Variants in MYO7A observed in about 807,000 individuals in gnomAD.
MYO7A encodes myosin VIIA.
MYO7A carries 210 observed loss-of-function variants against 263.8 expected under a neutral mutation model. The observed-to-expected ratio is 0.80, with a 90% confidence interval of 0.71 to 0.89. The LOEUF (loss-of-function observed/expected upper bound fraction) is 0.89. Ranked by LOEUF, MYO7A falls within the 40% of genes least tolerant of loss-of-function variation. The pLI, the probability that MYO7A is intolerant of heterozygous loss-of-function variation, is 0.00. For missense variants in MYO7A, 2,820 were observed against 2,968.3 expected, an observed-to-expected ratio of 0.95 and a Z score of 1.16; for synonymous variants, 1,239 against 1,197.3, an observed-to-expected ratio of 1.03 and a Z score of -0.72.
chr11:77,167,094 G>A (rs1366803146), intron 15 of MYO7A, among the ~76,000 whole-genome samples: 5 of 152,218 alleles, frequency 3.3e-5, no homozygotes, highest in African/African-American at 4.8e-5. Flanking sequence ...CGGGAAAAGG[G>A]CTGGGCTTTT....
intron 2 of MYO7A, 58 bp downstream of exon 2, chr11:77,130,710 A>C: frequency 1.3e-6 from 2 of 1,589,840 alleles, no homozygotes; most frequent in Non-Finnish European, 1.7e-6. Flanking sequence ...CCCCTCATCC[A>C]TATGCTTACC....
chr11:77,178,780 T>TCATA (rs1238826582), intron 19 of MYO7A, among the ~76,000 whole-genome samples: 1 of 152,270 alleles, frequency 6.6e-6, no homozygotes, highest in Non-Finnish European at 1.5e-5. Context: ...ACTTATTTTT[T>TCATA]CATACATTTA....
At chr11:77,145,474 G>A (rs917407055) in intron 3 of MYO7A, among the ~76,000 whole-genome samples, 2 of 152,170 alleles carry the variant, frequency 1.3e-5, no homozygotes, top group African/African-American at 4.8e-5. Flanking sequence ...CATGGGGAGG[G>A]ATGTGGGGAC....
intron 18 of MYO7A, among the ~76,000 whole-genome samples, chr11:77,176,822 T>C (rs1954689348): frequency 6.6e-6 from 1 of 152,146 alleles, no homozygotes. Context: ...CCCTGGTTCA[T>C]TGTGGCAGCC....
intron 16 of MYO7A, among the ~76,000 whole-genome samples, chr11:77,174,359 C>T (rs1416700698): frequency 1.3e-5 from 2 of 152,192 alleles, no homozygotes; most frequent in African/African-American, 4.8e-5. Flanking sequence ...CTGGACGAGC[C>T]TCTCTAGCTC....
At chr11:77,166,333 C>G (rs543353014) in intron 15 of MYO7A, among the ~76,000 whole-genome samples, 171 bp downstream of exon 15, 3 of 152,346 alleles carry the variant, frequency 2.0e-5, no homozygotes, top group East Asian at 3.9e-4. Flanking sequence ...GTGTTCCCAT[C>G]TGGTCCTCTT....
chr11:77,192,558 G>A (rs747516866), intron 31 of MYO7A, among the ~76,000 whole-genome samples: 13 of 152,142 alleles, frequency 8.5e-5, no homozygotes, highest in Non-Finnish European at 1.5e-4. Flanking sequence ...TACAGAGGAC[G>A]TGCCGCAGGA....
chr11:77,185,922 ATT>A (rs370558760), intron 27 of MYO7A, among the ~76,000 whole-genome samples: 26 of 137,806 alleles, frequency 1.9e-4, no homozygotes, highest in Non-Finnish European at 1.6e-4. Flanking sequence ...CTTGTACATC[ATT>A]TTTTTTTTTT....
intron 15 of MYO7A, among the ~76,000 whole-genome samples, chr11:77,171,016 G>A (rs1954035247): frequency 6.6e-6 from 1 of 152,242 alleles, no homozygotes; most frequent in Admixed American, 6.5e-5. Context: ...GTAGATCAAA[G>A]TGTTGACTGT....
rs112096005 is a variant in MYO7A at position 77,214,004 on chromosome 11, A to G, written c.6558+25A>G. 0.017 allele frequency: 27,455 copies of G among 1,613,160 alleles called. 497 individuals are homozygous for G. Among genetic ancestry groups the G allele is most frequent in the African/African-American group, 0.088 (6,605 of 75,048 alleles). On this transcript the variant is annotated intron_variant, in intron 48 of 48. Coordinates refer to ENST00000409709, the MANE Select transcript of MYO7A (RefSeq NM_000260.4). The stretch of plus-strand genomic sequence containing the variant: ...GGTGAGGGCGCATCCTGCTGGGCCT[A>G]GTGGGCTCCCTGCCTTGCCTGCAGC...
At chr11:77,202,941 G>C (rs909459414) in intron 37 of MYO7A, 119 bp from the exon 38 acceptor site, 2 of 1,276,354 alleles carry the variant, frequency 1.6e-6, no homozygotes, top group Middle Eastern at 2.7e-4. Context: ...GCAGGGCCTG[G>C]TGCCCACTCT....
chr11:77,194,603 C>G (rs1353357550), intron 32 of MYO7A, 79 bp downstream of exon 32: 1 of 1,438,262 alleles, frequency 7.0e-7, no homozygotes, highest in African/African-American at 1.4e-5. Flanking sequence ...ATCTGAACCT[C>G]TCTGTTGGGG....
At chr11:77,162,400 G>A (rs567361721) in intron 13 of MYO7A, 70 bp downstream of exon 13, 59 of 1,443,244 alleles carry the variant, frequency 4.1e-5, no homozygotes, top group Admixed American at 9.9e-5. Flanking sequence ...TTTGAGCCCC[G>A]GCTTTCCTCA....
At chr11:77,169,209 C>G (rs1347460612) in intron 15 of MYO7A, among the ~76,000 whole-genome samples, 1 of 152,380 alleles carries the variant, frequency 6.6e-6, no homozygotes, top group East Asian at 1.9e-4. Context: ...TCTGCACTCC[C>G]ATCATCGGCA....
At chr11:77,162,786 TG>T in intron 13 of MYO7A, 66 bp from the exon 14 acceptor site, 2 of 1,570,680 alleles carry the variant, frequency 1.3e-6, no homozygotes, top group Non-Finnish European at 1.7e-6. Context: ...GGCAAAGACA[TG>T]GGCAGGGAGG....
chr11:77,147,825 A>G lies in MYO7A; in HGVS notation c.160A>G (p.Thr54Ala), dbSNP rs369142107. 2.4e-5 allele frequency: 39 copies of G among 1,610,462 alleles called. No homozygotes were observed. The East Asian group carries it at 3.6e-4, about 15-fold the overall frequency. ...NEHWISPQNA[T>A]HIKPMHPTSV... is the part of the protein sequence containing the mutation. Reference sequence around the variant, plus strand: ...ACACTGGATCTCTCCGCAGAACGCAACGCACATCAAGCCTATGCACCCCAC... The same window carrying G: ...ACACTGGATCTCTCCGCAGAACGCAGCGCACATCAAGCCTATGCACCCCAC... Residue 54 changes from threonine (T) to alanine (A), a missense_variant, in exon 4 of 49, where the codon ACG becomes GCG. Transcript: ENST00000409709.
chr11:77,147,831 A>G lies in MYO7A; in HGVS notation c.166A>G (p.Ile56Val), dbSNP rs1369947369. 6.2e-7 allele frequency: 1 copy of G among 1,610,436 alleles called. No homozygotes were observed. Among genetic ancestry groups the G allele is most frequent in the East Asian group, 2.2e-5 (1 of 44,810 alleles). ...HWISPQNATHIKPMHPTSVHG... is the reference protein window; with the variant it reads ...HWISPQNATHVKPMHPTSVHG... ...GATCTCTCCGCAGAACGCAACGCAC[A>G]TCAAGCCTATGCACCCCACGTCGGT... is the stretch of plus-strand genomic sequence containing the variant. The change falls in exon 4 of 49, where the codon ATC becomes GTC. Residue 56 changes from isoleucine (I) to valine (V), a missense_variant. Ile to Val is a conservative substitution (Grantham distance 29, BLOSUM62 3). Transcript: ENST00000409709.
chr11:77,180,266 A>ATTATTTGGCAAT, intron 21 of MYO7A, 108 bp from the exon 22 acceptor site: 1 of 360,246 alleles, frequency 2.8e-6, no homozygotes, highest in Non-Finnish European at 4.5e-6. Context: ...GTCCTATCAA[A>ATTATTTGGCAAT]GTCATGCCCA....
At chr11:77,199,931 A>T (rs1956945775) in intron 35 of MYO7A, 113 bp downstream of exon 35, 5 of 1,151,198 alleles carry the variant, frequency 4.3e-6, no homozygotes. Context: ...AGATTTATGA[A>T]GAAAAGAGGT....
Sources: allele counts gnomAD v4.1 joint callset (sites outside exome capture counted in the v4.1 genomes callset), GRCh38; gene constraint gnomAD v4.1.1; transcripts MANE v1.5; gene names NCBI Gene and HGNC (gene_info 2026-07-23, HGNC 2026-07-21).